Variants in ALKAL2 observed in about 807,000 individuals in gnomAD.
ALKAL2 encodes ALK and LTK ligand 2, also known as AUG-alpha.
Under a neutral mutation model 18.5 loss-of-function variants are expected in ALKAL2, and 8 were observed. That is an observed-to-expected ratio of 0.43 (90% confidence interval 0.25 to 0.78). The LOEUF (loss-of-function observed/expected upper bound fraction) is 0.78, where lower values mean the gene tolerates loss of function less well. Among genes scored for constraint, ALKAL2 ranks in the 30% least tolerant of loss-of-function variants. The pLI, the probability that ALKAL2 is intolerant of heterozygous loss-of-function variation, is 0.22. For synonymous variants in ALKAL2, 135 were observed against 95.8 expected (o/e 1.41, Z -2.39); for missense variants, 241 against 211.2 (o/e 1.14, Z -0.88).
chr2:283,201 T>A, intron 4 of ALKAL2, 26 bp from the exon 5 acceptor site: 2 of 1,594,670 alleles, frequency 1.3e-6, no homozygotes, highest in Non-Finnish European at 1.7e-6. Context: ...ATCAGACTCT[T>A]GTCAGTTACT....
intron 4 of ALKAL2, among the ~76,000 whole-genome samples, chr2:285,442 T>TG (rs1233729952): frequency 6.6e-6 from 1 of 152,110 alleles, no homozygotes; most frequent in Non-Finnish European, 1.5e-5. Flanking sequence ...AAATCAAAGT[T>TG]GGAGTCCGAA....
chr2:283,459 A>G (rs1229580505), intron 4 of ALKAL2: 2 of 985,288 alleles, frequency 2.0e-6, no homozygotes, highest in Non-Finnish European at 2.4e-6. Context: ...CTGGCTGCCC[A>G]TTGCTTCTCT....
chr2:280,166 CA>C lies in ALKAL2; in HGVS notation c.454-15del. Reference sequence around the variant, plus strand: ...GTCTGCTCACTGCTGAAAACAAATACATTGCGTGTGATATGACTATCCACAC... The same window carrying C: ...GTCTGCTCACTGCTGAAAACAAATACTTGCGTGTGATATGACTATCCACAC... On this transcript the variant is annotated splice_polypyrimidine_tract_variant and intron_variant, in intron 5 of 5. Transcript: ENST00000403610. 6.2e-7 allele frequency: 1 copy of C among 1,613,978 alleles called. No homozygotes were observed. Among genetic ancestry groups the C allele is most frequent in the Non-Finnish European group, 8.5e-7 (1 of 1,179,874 alleles).
At position 286,662 on chromosome 2, in the gene ALKAL2, C is replaced by T. The variant is rs544488278; in HGVS notation, c.254-319G>A. The T allele has an allele frequency of 7.3e-5, 17 of 231,508 alleles. No homozygotes were observed. In the Admixed American group the frequency reaches 8.4e-4, roughly 11 times the overall value. The allele number at this position is 231,508 out of a possible 1,614,324, so 14.3% of individuals were successfully genotyped here. A position where few individuals can be genotyped will look rare whatever the true frequency, so the allele number is the denominator to read the frequency against. On this transcript the variant is annotated intron_variant, in intron 2 of 5. Coordinates refer to ENST00000403610, the MANE Select transcript of ALKAL2 (RefSeq NM_001002919.3). Reference sequence around the variant, plus strand: ...TTTTTTTTTTCTTTTAAACATTTAACTTCCAGTGAATAAGTCACTTTTAGG... The same window carrying T: ...TTTTTTTTTTCTTTTAAACATTTAATTTCCAGTGAATAAGTCACTTTTAGG...
chr2:282,519 A>G (rs1670386503), intron 5 of ALKAL2, among the ~76,000 whole-genome samples: 1 of 152,146 alleles, frequency 6.6e-6, no homozygotes, highest in Admixed American at 6.5e-5. Context: ...ACCCTTCAAA[A>G]CATCCGCTGA....
At chr2:285,610 G>A (rs1355328950) in intron 4 of ALKAL2, among the ~76,000 whole-genome samples, 2 of 152,238 alleles carry the variant, frequency 1.3e-5, no homozygotes, top group African/African-American at 4.8e-5. Flanking sequence ...AGCTACTGCT[G>A]AGAGCTATGT....
chr2:286,561 A>T (rs1418798310), intron 2 of ALKAL2: 11 of 506,964 alleles, frequency 2.2e-5, no homozygotes, highest in Non-Finnish European at 3.8e-5. Context: ...CTGCTCCTGA[A>T]GCTCCAGGAT....
At chr2:282,929 C>T (rs1325731131) in intron 5 of ALKAL2, among the ~76,000 whole-genome samples, 182 bp downstream of exon 5, 2 of 152,182 alleles carry the variant, frequency 1.3e-5, no homozygotes, top group African/African-American at 4.8e-5. Flanking sequence ...GCTGCCGGGG[C>T]CCTGTAGACA....
At chr2:280,936 G>T (rs1670319576) in intron 5 of ALKAL2, among the ~76,000 whole-genome samples, 1 of 152,226 alleles carries the variant, frequency 6.6e-6, no homozygotes, top group African/African-American at 2.4e-5. Context: ...GTCTTGCCCT[G>T]CCATCCTTGT....
chr2:285,478 T>C (rs539529323), intron 4 of ALKAL2, among the ~76,000 whole-genome samples: 153 of 152,318 alleles, frequency 1.0e-3, no homozygotes, highest in African/African-American at 3.2e-3. Context: ...TAGGGCCCTA[T>C]CACTGTAGCT....
intron 4 of ALKAL2, chr2:283,741 T>A: frequency 3.6e-6 from 1 of 279,420 alleles, no homozygotes; most frequent in Non-Finnish European, 5.4e-6. Flanking sequence ...CCGTGCTGCC[T>A]ATAGAAATTA....
At chr2:285,822 T>C (rs561425141) in intron 4 of ALKAL2, 7 of 319,772 alleles carry the variant, frequency 2.2e-5, no homozygotes, top group African/African-American at 6.4e-5. Flanking sequence ...CTGACTGCCA[T>C]AGTAGAGTAC....
chr2:287,942 G>A (rs953692195), intron 1 of ALKAL2, 50 bp from the exon 2 acceptor site: 4 of 1,233,134 alleles, frequency 3.2e-6, no homozygotes, highest in Non-Finnish European at 4.1e-6. Flanking sequence ...GCGGGGGAGG[G>A]GGACGGAGCG....
At chr2:286,922 C>T (rs556374905) in intron 2 of ALKAL2, 1 of 152,428 alleles carries the variant, frequency 6.6e-6, no homozygotes, top group Admixed American at 6.5e-5. Flanking sequence ...CAAACTTCTT[C>T]CACCAGGGTT....
At chr2:286,899 A>T (rs1357649771) in intron 2 of ALKAL2, 1 of 152,338 alleles carries the variant, frequency 6.6e-6, no homozygotes, top group Non-Finnish European at 1.5e-5. Flanking sequence ...TCCCAGGGAA[A>T]GACTCTGCCA....
rs1670284352 is a variant in ALKAL2 at position 280,003 on chromosome 2, AAACTC to A, written c.*139_*143del. The A allele has an allele frequency of 1.8e-5, 16 of 884,244 alleles. No homozygotes were observed. Among genetic ancestry groups the A allele is most frequent in the Non-Finnish European group, 2.5e-5 (13 of 529,528 alleles). The allele number at this position is 884,244 out of a possible 1,614,324, so 54.8% of individuals were successfully genotyped here. A position where few individuals can be genotyped will look rare whatever the true frequency, so the allele number is the denominator to read the frequency against. ...ATCTGCAAACTGTCAACAACATACA[AAACTC>A]AAAGGACTTATGGAAGAGTCTGTCT... On this transcript the variant is annotated 3_prime_UTR_variant, in exon 6 of 6. Coordinates refer to ENST00000403610, the MANE Select transcript of ALKAL2 (RefSeq NM_001002919.3).
At chr2:287,949 AG>A in intron 1 of ALKAL2, 57 bp from the exon 2 acceptor site, 1 of 902,284 alleles carries the variant, frequency 1.1e-6, no homozygotes. Context: ...AGGGGGACGG[AG>A]CGCGGGGCGG....
chr2:283,155 G>A lies in ALKAL2; in HGVS notation c.409C>T (p.Leu137Phe). Residue 137 changes from leucine (L) to phenylalanine (F), a missense_variant, in exon 5 of 6, where the codon CTT becomes TTT. By Grantham distance (22) the Leu-to-Phe change is conservative. Coordinates refer to ENST00000403610, the MANE Select transcript of ALKAL2 (RefSeq NM_001002919.3). ...IPAYYKRCARLLTRLAVSPVC... is the reference protein window; with the variant it reads ...IPAYYKRCARFLTRLAVSPVC... ...GGACTGACAGCCAGCCGGGTAAGAA[G>A]CCTGGCGCATCTTTTATAGTCTACG... 1 of 1,613,198 alleles carries A rather than the reference G, an allele frequency of 6.2e-7. No individual in the cohort carries two copies. Among genetic ancestry groups the A allele is most frequent in the Non-Finnish European group, 8.5e-7 (1 of 1,179,618 alleles).
rs749818760 is a variant in ALKAL2 at position 280,162 on chromosome 2, A to G, written c.454-10T>C. The G allele has an allele frequency of 6.2e-7, 1 of 1,614,000 alleles. No homozygotes were observed. Among genetic ancestry groups the G allele is most frequent in the South Asian group, 1.1e-5 (1 of 91,082 alleles). On this transcript the variant is annotated splice_polypyrimidine_tract_variant and intron_variant, in intron 5 of 5. Transcript: ENST00000403610. ...TACGGTCTGCTCACTGCTGAAAACAAATACATTGCGTGTGATATGACTATC... is the reference window on the plus strand; with the variant it reads ...TACGGTCTGCTCACTGCTGAAAACAGATACATTGCGTGTGATATGACTATC...
Sources: allele counts gnomAD v4.1 joint callset (sites outside exome capture counted in the v4.1 genomes callset), GRCh38; gene constraint gnomAD v4.1.1; transcripts MANE v1.5; gene names NCBI Gene and HGNC (gene_info 2026-07-23, HGNC 2026-07-21).